UBQLN4: variants seen among roughly 807,000 people sequenced by gnomAD.
The protein encoded by UBQLN4 is ubiquilin-4.
Under a neutral mutation model 60.4 loss-of-function variants are expected in UBQLN4, and 11 were observed. That is an observed-to-expected ratio of 0.18 (90% CI 0.11 to 0.30). UBQLN4 has a LOEUF of 0.30. Ranked by LOEUF, UBQLN4 falls within the 10% of genes least tolerant of loss-of-function variation. The probability of loss-of-function intolerance (pLI) is 1.00; values close to 1 mark genes in which losing one functional copy is unlikely to be tolerated. For synonymous variants in UBQLN4, 258 were observed against 313.1 expected (o/e 0.82, Z 1.86); for missense variants, 417 against 795.5 (o/e 0.52, Z 5.72).
At chr1:156,046,254 G>A (rs1185576105) in intron 5 of UBQLN4, among the ~76,000 whole-genome samples, 6 of 151,016 alleles carry the variant, frequency 4.0e-5, no homozygotes, top group South Asian at 2.1e-4. Context: ...TTGGGAGGCC[G>A]AGGTGGGTGG....
Position 156,048,392 on chromosome 1 carries a change from C to A in UBQLN4, c.900+109G>T. 7.3e-7 allele frequency: 1 copy of A among 1,375,472 alleles called. No individual in the cohort carries two copies. The highest frequency in any genetic ancestry group is 9.8e-7 in the Non-Finnish European group (1 of 1,018,836). The allele number at this position is 1,375,472 out of a possible 1,614,324, so 85.2% of individuals were successfully genotyped here. ...ACTGCCTTCAAGCCAAGGCCCACCC[C>A]TCAGGGGACTGGGGAAAGAAAGAAG... is the stretch of plus-strand genomic sequence containing the variant. On this transcript the variant is annotated intron_variant, in intron 5 of 10. Coordinates refer to ENST00000368309, the MANE Select transcript of UBQLN4 (RefSeq NM_020131.5). The surrounding 1 kb of genome is among the most constrained non-coding windows in gnomAD (Gnocchi z 4.9).
At chr1:156,034,808 A>G (rs1338373186), downstream of UBQLN4, among the ~76,000 whole-genome samples, 1 of 121,672 alleles carries the variant, frequency 8.2e-6, no homozygotes, top group Admixed American at 8.9e-5. Flanking sequence ...TTCCATCATC[A>G]GTTATCCCTT....
At chr1:156,033,378 T>G (rs192372530), downstream of UBQLN4, 145 of 861,094 alleles carry the variant, frequency 1.7e-4, no homozygotes, top group African/African-American at 2.3e-3. Flanking sequence ...TTCCAGGTTT[T>G]TTTTGTTTTG....
At chr1:156,053,265 T>C (rs1399013948) in intron 1 of UBQLN4, among the ~76,000 whole-genome samples, 1 of 151,670 alleles carries the variant, frequency 6.6e-6, no homozygotes, top group Admixed American at 6.6e-5. Flanking sequence ...TTCTCTCAGT[T>C]AGCACCTAGC....
rs1262677101 is a variant in UBQLN4, at chr1:156,042,792, G to A, written c.1248C>T (p.Asn416=). Residue 416 remains asparagine, a synonymous_variant, in exon 7 of 11, where the codon AAC becomes AAT. Coordinates refer to ENST00000368309, the MANE Select transcript of UBQLN4 (RefSeq NM_020131.5). ...TTCATACCTGAGCAGCAAAGTCGGGGTTCTGGGCAAGCGTCTGCATCATGC... is the reference window on the plus strand; with the variant it reads ...TTCATACCTGAGCAGCAAAGTCGGGATTCTGGGCAAGCGTCTGCATCATGC... ...MRSMMQTLAQ[N]PDFAAQMMVN... is the part of the protein sequence containing the mutation. 4 of 1,613,956 alleles carry A rather than the reference G, an allele frequency of 2.5e-6. No individual in the cohort carries two copies. The highest frequency in any genetic ancestry group is 1.7e-4 in the Middle Eastern group (1 of 6,000).
At chr1:156,053,406 C>G (rs575166819) in intron 1 of UBQLN4, among the ~76,000 whole-genome samples, 188 bp downstream of exon 1, 1 of 151,956 alleles carries the variant, frequency 6.6e-6, no homozygotes, top group South Asian at 2.1e-4. Context: ...ACACGCGCCA[C>G]GCTCCCCCAG....
chr1:156,042,430 T>C (rs1168225557), intron 7 of UBQLN4, 194 bp from the exon 8 acceptor site: 1 of 1,411,636 alleles, frequency 7.1e-7, no homozygotes, highest in African/African-American at 1.4e-5. Flanking sequence ...ATGAAGAGTA[T>C]GAGGAGTCAG....
rs1326981486 is a variant in UBQLN4 at position 156,050,558 on chromosome 1, G to C, written c.479-5C>G. On this transcript the variant is annotated splice_region_variant and splice_polypyrimidine_tract_variant and intron_variant, in intron 3 of 10. Coordinates refer to ENST00000368309, the MANE Select transcript of UBQLN4 (RefSeq NM_020131.5). The surrounding 1 kb of genome is among the most constrained non-coding windows in gnomAD (Gnocchi z 4.6). ...CCAGGATGCCCCCAAAGCCAGCTGT[G>C]GGAAGGGGGCAGGGTCACAGTCTGC... 1.2e-6 allele frequency: 2 copies of C among 1,605,584 alleles called. No individual in the cohort carries two copies. The highest frequency in any genetic ancestry group is 1.7e-6 in the Non-Finnish European group (2 of 1,174,858).
intron 5 of UBQLN4, among the ~76,000 whole-genome samples, chr1:156,047,335 C>A (rs1393071407): frequency 6.6e-6 from 1 of 151,458 alleles, no homozygotes; most frequent in Non-Finnish European, 1.5e-5. Context: ...CCTCTGCCTC[C>A]CGGGTTCAAG....
chr1:156,053,495 T>C (rs1572284374), intron 1 of UBQLN4, 99 bp downstream of exon 1: 1 of 741,890 alleles, frequency 1.3e-6, no homozygotes. Flanking sequence ...CCCGCCCTCC[T>C]CTCCGGGGCC....
chr1:156,035,872 A>G lies in UBQLN4; in HGVS notation c.*1106T>C, dbSNP rs1229275592. The G allele has an allele frequency of 5.1e-6, 5 of 985,236 alleles. No homozygotes were observed. The highest frequency in any genetic ancestry group is 6.0e-6 in the Non-Finnish European group (5 of 829,882). The allele number at this position is 985,236 out of a possible 1,614,324, so 61.0% of individuals were successfully genotyped here. ...CACTCTGAACCAGAAACCAACAAGG[A>G]ATCCACTTCCCACCCAACTTAAGAG... On this transcript the variant is annotated 3_prime_UTR_variant, in exon 11 of 11. Transcript: ENST00000368309.
rs768155341 is a variant in UBQLN4, at chr1:156,050,390, C to T, written c.642G>A (p.Leu214=). Residue 214 remains leucine, a synonymous_variant, in exon 4 of 11, where the codon CTG becomes CTA. Coordinates refer to ENST00000368309, the MANE Select transcript of UBQLN4 (RefSeq NM_020131.5). This position sits in a 1 kb window ranked among gnomAD's most constrained non-coding sequence, Gnocchi z 4.6. The part of the protein sequence containing the change: ...LVQDMMSNPD[L]MRHMIMANPQ... ...GGTTGGCCATAATCATGTGACGCAT[C>T]AGATCAGGGTTAGACATCATATCCT... The T allele has an allele frequency of 6.2e-7, 1 of 1,613,958 alleles. No individual in the cohort carries two copies.
chr1:156,053,776 C>T lies in UBQLN4; in HGVS notation c.-75G>A, dbSNP rs1317627682. On this transcript the variant is annotated 5_prime_UTR_variant, in exon 1 of 11. Coordinates refer to ENST00000368309, the MANE Select transcript of UBQLN4 (RefSeq NM_020131.5). The stretch of plus-strand genomic sequence containing the variant: ...CCCCGCCCGCCCGGCCGGCCCGGCT[C>T]GGCTTCTGCGCCTCCAACACTCCCC... 4 of 915,098 alleles carry T rather than the reference C, an allele frequency of 4.4e-6. No homozygotes were observed. The highest frequency in any genetic ancestry group is 5.7e-6 in the Non-Finnish European group (4 of 697,964). 56.7% of individuals were successfully genotyped at this position (915,098 alleles called of 1,614,324 possible).
intron 10 of UBQLN4, 141 bp from the exon 11 acceptor site, chr1:156,037,271 G>A (rs1683430864): frequency 9.3e-7 from 1 of 1,072,386 alleles, no homozygotes; most frequent in Non-Finnish European, 1.3e-6. Context: ...CTGCAAATGG[G>A]GGCCCAGGAG....
At chr1:156,045,718 G>T (rs1468464549) in intron 5 of UBQLN4, among the ~76,000 whole-genome samples, 1 of 152,194 alleles carries the variant, frequency 6.6e-6, no homozygotes, top group Non-Finnish European at 1.5e-5. Flanking sequence ...AGAACCAGCT[G>T]TCTTGTAGTA....
At chr1:156,038,332 C>T (rs963135344) in intron 10 of UBQLN4, among the ~76,000 whole-genome samples, 14 of 148,542 alleles carry the variant, frequency 9.4e-5, no homozygotes, top group South Asian at 2.1e-4. Flanking sequence ...GCTGAAATTG[C>T]GCCACTGCAC....
chr1:156,032,368 G>A (rs1255386407), downstream of UBQLN4, among the ~76,000 whole-genome samples: 3 of 150,994 alleles, frequency 2.0e-5, no homozygotes, highest in African/African-American at 7.3e-5. Context: ...GCATTTGGCC[G>A]GGCGCGATGG....
In UBQLN4 at chr1:156,051,261, G is replaced by A. The variant is rs1683862452; in HGVS notation, c.327C>T (p.Ser109=). Residue 109 remains serine (S), a synonymous_variant, in exon 3 of 11, where the codon TCC becomes TCT. Coordinates refer to ENST00000368309, the MANE Select transcript of UBQLN4 (RefSeq NM_020131.5). ...GGGTGGCGGGTGAAGCAGGCGTGGT[G>A]GAGGGTGCTGAGGCAGGGTCAGGTG... ...PSTPDPASAP[S]TTPASPATPA... 4 of 1,580,824 alleles carry A rather than the reference G, an allele frequency of 2.5e-6. No individual in the cohort carries two copies. The highest frequency in any genetic ancestry group is 1.8e-5 in the Admixed American group (1 of 54,772).
At chr1:156,051,468 G>A in intron 2 of UBQLN4, 141 bp from the exon 3 acceptor site, 1 of 1,187,340 alleles carries the variant, frequency 8.4e-7, no homozygotes, top group Non-Finnish European at 1.2e-6. Flanking sequence ...GTGGGGTGAT[G>A]GCGGGAGGGC....
Sources: allele counts gnomAD v4.1 joint callset (sites outside exome capture counted in the v4.1 genomes callset), GRCh38; gene constraint gnomAD v4.1.1; non-coding constraint Gnocchi (gnomAD v3.1); transcripts MANE v1.5; gene names NCBI Gene and HGNC (gene_info 2026-07-23, HGNC 2026-07-21).